The following GRM7 variants were observed in gnomAD, a reference collection of about 807,000 sequenced individuals.
GRM7 encodes the protein metabotropic glutamate receptor 7.
Under a neutral mutation model 84.5 loss-of-function variants are expected in GRM7, and 35 were observed. The ratio of observed to expected loss-of-function variants is 0.41; its 90% CI spans 0.32 to 0.55. GRM7 has a LOEUF of 0.55. Ranked by LOEUF, GRM7 falls within the 20% of genes least tolerant of loss-of-function variation. The probability of loss-of-function intolerance (pLI) is 0.19; values close to 1 mark genes in which losing one functional copy is unlikely to be tolerated. For synonymous variants in GRM7, 487 were observed against 455.1 expected (o/e 1.07, Z -0.89); for missense variants, 1,003 against 1,194.6 (o/e 0.84, Z 2.36).
chr3:7,449,421 C>A (rs908030745), intron 5 of GRM7, among the ~76,000 whole-genome samples: 1 of 152,118 alleles, frequency 6.6e-6, no homozygotes, highest in Middle Eastern at 3.4e-3. Context: ...ACAACAGAAA[C>A]CCAATAAATG....
intron 1 of GRM7, among the ~76,000 whole-genome samples, chr3:7,024,849 C>T (rs899770613): frequency 6.6e-6 from 1 of 152,110 alleles, no homozygotes; most frequent in East Asian, 1.9e-4. Flanking sequence ...GAAGTAGGAG[C>T]CTATTAGTTT....
chr3:6,996,223 T>C (rs149909135), intron 1 of GRM7, among the ~76,000 whole-genome samples: 36 of 152,146 alleles, frequency 2.4e-4, no homozygotes, highest in African/African-American at 8.2e-4. Context: ...TCAATTTTTG[T>C]ATTTTAAGTA....
intron 7 of GRM7, among the ~76,000 whole-genome samples, chr3:7,509,937 A>G (rs1265156589): frequency 6.6e-6 from 1 of 152,206 alleles, no homozygotes; most frequent in Non-Finnish European, 1.5e-5. Context: ...TCATCTTGGA[A>G]AAAGAGAGCT....
At position 7,151,663 on chromosome 3, in the gene GRM7, G is replaced by T. The variant is rs1694292111; in HGVS notation, c.736+4995G>T. Among the ~76,000 whole-genome samples the T allele has an allele frequency of 6.6e-6, 1 of 152,110 alleles. No homozygotes were observed. The highest frequency in any genetic ancestry group is 2.4e-5 in the African/African-American group (1 of 41,442). On this transcript the variant is annotated intron_variant, in intron 2 of 9. Coordinates refer to ENST00000357716, the MANE Select transcript of GRM7 (RefSeq NM_000844.4). This position sits in a 1 kb window ranked among gnomAD's most constrained non-coding sequence, Gnocchi z 4.5. ...AGCAGTCAATCATTATTTCTTAACA[G>T]AAGGAAGAATTGTGTTTTTCCCCTT...
At chr3:7,421,972 C>A (rs903855762) in intron 5 of GRM7, among the ~76,000 whole-genome samples, 1 of 149,998 alleles carries the variant, frequency 6.7e-6, no homozygotes, top group Non-Finnish European at 1.5e-5. Context: ...CATCTGTGGT[C>A]CCAGCTGCTT....
intron 7 of GRM7, among the ~76,000 whole-genome samples, chr3:7,523,958 G>A (rs1249721040): frequency 6.6e-6 from 1 of 151,968 alleles, no homozygotes; most frequent in Non-Finnish European, 1.5e-5. Context: ...CTTTTTCAAG[G>A]TAATAAGCTC....
chr3:7,341,461 T>C (rs1692627934), intron 4 of GRM7, among the ~76,000 whole-genome samples: 1 of 151,926 alleles, frequency 6.6e-6, no homozygotes, highest in South Asian at 2.1e-4. Flanking sequence ...TACTACTAGA[T>C]AGAGTATTAC....
chr3:7,700,626 C>G (rs1701193189), intron 9 of GRM7, among the ~76,000 whole-genome samples: 1 of 152,110 alleles, frequency 6.6e-6, no homozygotes, highest in Non-Finnish European at 1.5e-5. Flanking sequence ...TATTCAGAAG[C>G]AAGTTGTAAT....
At chr3:7,695,353 G>T (rs1396571072) in intron 9 of GRM7, among the ~76,000 whole-genome samples, 2 of 152,156 alleles carry the variant, frequency 1.3e-5, no homozygotes, top group Non-Finnish European at 2.9e-5. Context: ...CAGCCACAAG[G>T]CCTGGCCTTT....
intron 7 of GRM7, among the ~76,000 whole-genome samples, chr3:7,568,872 G>A (rs111471529): frequency 4.9e-4 from 74 of 152,110 alleles, no homozygotes; most frequent in African/African-American, 1.5e-3. Context: ...ATGCCTGAGC[G>A]CCCCCCCTCC....
chr3:6,988,309 C>T (rs1014668432), intron 1 of GRM7, among the ~76,000 whole-genome samples: 1 of 151,492 alleles, frequency 6.6e-6, no homozygotes, highest in African/African-American at 2.4e-5. Context: ...GCGCCCAGCC[C>T]ACCTCTAGCT....
intron 4 of GRM7, among the ~76,000 whole-genome samples, chr3:7,361,086 A>G (rs1207643995): frequency 6.6e-6 from 1 of 152,086 alleles, no homozygotes; most frequent in Non-Finnish European, 1.5e-5. Flanking sequence ...TCCAAGTGCC[A>G]TTGTCTAACC....
intron 1 of GRM7, among the ~76,000 whole-genome samples, chr3:6,884,676 T>C (rs1026732659): frequency 1.3e-5 from 2 of 152,074 alleles, no homozygotes; most frequent in African/African-American, 4.8e-5. Flanking sequence ...CTCAGCTCAC[T>C]GCAACACTCG....
intron 1 of GRM7, among the ~76,000 whole-genome samples, chr3:7,000,326 T>C (rs1324811523): frequency 1.3e-5 from 2 of 151,924 alleles, no homozygotes; most frequent in Admixed American, 1.3e-4. Context: ...TGCCTGCAAT[T>C]GCACCTGGCT....
chr3:7,718,653 C>T (rs1701841965), intron 9 of GRM7, among the ~76,000 whole-genome samples: 1 of 152,144 alleles, frequency 6.6e-6, no homozygotes, highest in African/African-American at 2.4e-5. Flanking sequence ...GCCACCCAGT[C>T]AGAAGACCAG....
intron 4 of GRM7, among the ~76,000 whole-genome samples, chr3:7,371,114 ATAT>A: frequency 6.6e-6 from 1 of 152,176 alleles, no homozygotes; most frequent in Non-Finnish European, 1.5e-5. Context: ...TGCCCAGGCT[ATAT>A]ATTCTAAGAC....
At chr3:7,061,379 T>C (rs932282348) in intron 1 of GRM7, among the ~76,000 whole-genome samples, 2 of 151,830 alleles carry the variant, frequency 1.3e-5, no homozygotes, top group Admixed American at 6.6e-5. Context: ...ATAGAAAACA[T>C]ATGAGGTAGG....
chr3:7,568,184 G>A (rs1334534827), intron 7 of GRM7, among the ~76,000 whole-genome samples: 1 of 152,176 alleles, frequency 6.6e-6, no homozygotes, highest in Non-Finnish European at 1.5e-5. Flanking sequence ...CTTGGGAACT[G>A]GGGAGCCTGG....
chr3:7,564,483 A>G (rs1249981315), intron 7 of GRM7, among the ~76,000 whole-genome samples: 4 of 152,132 alleles, frequency 2.6e-5, no homozygotes, highest in Non-Finnish European at 5.9e-5. Flanking sequence ...GAAAAAGGAA[A>G]GGAAGTTGAT....
Sources: gnomAD v4.1 joint callset for allele counts (sites outside exome capture counted in the v4.1 genomes callset) on GRCh38, gnomAD v4.1.1 for gene constraint, Gnocchi (gnomAD v3.1) non-coding constraint, MANE v1.5 for transcripts, NCBI Gene and HGNC (gene_info 2026-07-23, HGNC 2026-07-21) for gene names.